The following XPO6 variants were observed in gnomAD, a reference collection of about 807,000 sequenced individuals.
The protein encoded by XPO6 is exportin 6, also known as exportin-6.
XPO6 carries 3 observed loss-of-function variants against 130.0 expected under a neutral mutation model. That is an observed-to-expected ratio of 0.02 (90% CI 0.01 to 0.06). The LOEUF is 0.06. Among genes scored for constraint, XPO6 ranks in the 10% least tolerant of loss-of-function variants. The pLI is 1.00. For missense variants in XPO6, 970 were observed against 1,393.0 expected (o/e 0.70, Z 4.83); for synonymous variants, 524 against 548.9 (o/e 0.95, Z 0.63).
intron 12 of XPO6, among the ~76,000 whole-genome samples, chr16:28,130,178 C>T (rs764683068): frequency 6.6e-6 from 1 of 152,248 alleles, no homozygotes; most frequent in African/African-American, 2.4e-5. Context: ...AAGTGGGAGC[C>T]TTCCAGGCTG....
intron 2 of XPO6, among the ~76,000 whole-genome samples, chr16:28,178,336 A>AGGTG (rs2043563736): frequency 1.3e-5 from 2 of 152,132 alleles, no homozygotes; most frequent in African/African-American, 4.8e-5. Flanking sequence ...TGAGAAGCTG[A>AGGTG]GGCAGGAGGA....
chr16:28,106,063 C>G lies in XPO6; in HGVS notation c.2764G>C (p.Val922Leu). The G allele has an allele frequency of 6.2e-7, 1 of 1,614,150 alleles. No individual in the cohort carries two copies. Among genetic ancestry groups the G allele is most frequent in the Non-Finnish European group, 8.5e-7 (1 of 1,179,978 alleles). The change falls in exon 20 of 24, where the codon GTG (valine) becomes CTG (leucine). Residue 922 changes from valine (V) to leucine (L), a missense_variant. By Grantham distance (32) the Val-to-Leu change is conservative. Transcript: ENST00000304658. This position sits in a 1 kb window ranked among gnomAD's most constrained non-coding sequence, Gnocchi z 4.2. Reference protein sequence around the residue: ...PSIIALCMEQVYPIIAERPSP... With the variant: ...PSIIALCMEQLYPIIAERPSP... Reference sequence around the variant, plus strand: ...CCTACCTCGGCAATGATGGGATACACTTGCTCCATGCACAGGGCGATGATG... The same window carrying G: ...CCTACCTCGGCAATGATGGGATACAGTTGCTCCATGCACAGGGCGATGATG...
intron 18 of XPO6, 136 bp downstream of exon 18, chr16:28,107,386 C>T: frequency 9.4e-7 from 1 of 1,060,712 alleles, no homozygotes; most frequent in East Asian, 2.4e-5. Context: ...TGCCCTTTCC[C>T]CTCAGTACCG....
chr16:28,103,032 A>C (rs2086685716), intron 21 of XPO6, among the ~76,000 whole-genome samples: 1 of 152,166 alleles, frequency 6.6e-6, no homozygotes, highest in Non-Finnish European at 1.5e-5. Context: ...GGTTCATGGA[A>C]GTATAACAGA....
chr16:28,176,752 A>AC (rs2043541245), intron 3 of XPO6, among the ~76,000 whole-genome samples: 1 of 146,106 alleles, frequency 6.8e-6, no homozygotes, highest in East Asian at 2.0e-4. Flanking sequence ...TCATTGATCC[A>AC]CCCGCCTCGG....
At chr16:28,163,114 C>T (rs1339937520) in intron 6 of XPO6, among the ~76,000 whole-genome samples, 1 of 152,144 alleles carries the variant, frequency 6.6e-6, no homozygotes, top group African/African-American at 2.4e-5. Context: ...GCAGGACAAA[C>T]CACAGCTCTA....
chr16:28,190,587 C>G (rs2043770407), intron 1 of XPO6, among the ~76,000 whole-genome samples: 1 of 152,140 alleles, frequency 6.6e-6, no homozygotes, highest in Admixed American at 6.5e-5. Flanking sequence ...AATGCTACAC[C>G]TGACCACAGA....
At chr16:28,195,556 C>T (rs1193207287) in intron 1 of XPO6, among the ~76,000 whole-genome samples, 2 of 152,160 alleles carry the variant, frequency 1.3e-5, no homozygotes, top group Admixed American at 1.3e-4. Context: ...AGTTAGAGAC[C>T]AGCCTGGTCA....
chr16:28,157,206 C>T (rs2043197541), intron 6 of XPO6, among the ~76,000 whole-genome samples: 4 of 152,174 alleles, frequency 2.6e-5, no homozygotes, highest in Admixed American at 2.6e-4. Flanking sequence ...CCTGTAATCA[C>T]AGCACTTTGG....
intron 1 of XPO6, among the ~76,000 whole-genome samples, chr16:28,184,489 A>G (rs1031243457): frequency 2.0e-5 from 3 of 152,158 alleles, no homozygotes; most frequent in African/African-American, 7.2e-5. Flanking sequence ...TGAAATGTTC[A>G]TCAGATGGCA....
At chr16:28,152,341 T>A (rs2043109905) in intron 8 of XPO6, among the ~76,000 whole-genome samples, 1 of 152,238 alleles carries the variant, frequency 6.6e-6, no homozygotes, top group Admixed American at 6.5e-5. Context: ...AGACTTTTCC[T>A]TTCTTTTGCT....
chr16:28,153,043 T>C, intron 7 of XPO6: 2 of 1,104,308 alleles, frequency 1.8e-6, no homozygotes, highest in South Asian at 5.2e-5. Context: ...CGCTCACATT[T>C]TCTAAGTCAT....
At chr16:28,199,889 G>A (rs1157005771) in intron 1 of XPO6, among the ~76,000 whole-genome samples, 1 of 150,648 alleles carries the variant, frequency 6.6e-6, no homozygotes. Context: ...GGGCACGGTG[G>A]CTCACTCCTG....
intron 4 of XPO6, 103 bp from the exon 5 acceptor site, chr16:28,170,012 A>C: frequency 7.0e-7 from 1 of 1,434,368 alleles, no homozygotes; most frequent in Non-Finnish European, 9.5e-7. Flanking sequence ...GTTTAATCTT[A>C]CATGAACATA....
chr16:28,164,002 C>A (rs1399455885), intron 6 of XPO6, among the ~76,000 whole-genome samples: 1 of 152,178 alleles, frequency 6.6e-6, no homozygotes, highest in Non-Finnish European at 1.5e-5. Context: ...GAGAAATAAA[C>A]CACACACACT....
At chr16:28,113,256 T>C (rs1468255656) in intron 15 of XPO6, among the ~76,000 whole-genome samples, 1 of 152,164 alleles carries the variant, frequency 6.6e-6, no homozygotes, top group Non-Finnish European at 1.5e-5. Context: ...GCAGCCATTA[T>C]CACCTCCTCC....
At chr16:28,145,819 G>T (rs956037262) in intron 9 of XPO6, among the ~76,000 whole-genome samples, 2 of 152,056 alleles carry the variant, frequency 1.3e-5, no homozygotes, top group African/African-American at 4.8e-5. Flanking sequence ...ACTTCAGTTT[G>T]TATCTCTAAA....
At chr16:28,128,207 T>A (rs1276897710) in intron 12 of XPO6, among the ~76,000 whole-genome samples, 1 of 152,202 alleles carries the variant, frequency 6.6e-6, no homozygotes, top group Non-Finnish European at 1.5e-5. Flanking sequence ...CAGGGTTGAC[T>A]TCTAAAACCT....
Position 28,193,374 on chromosome 16 carries a change from G to A in XPO6, c.4-12343C>T, listed in dbSNP as rs556365330. Among the ~76,000 whole-genome samples, 24 of 152,186 alleles carry A rather than the reference G, an allele frequency of 1.6e-4. No individual in the cohort carries two copies. The East Asian group carries it at 4.6e-3, about 29-fold the overall frequency. On this transcript the variant is annotated intron_variant, in intron 1 of 23. Transcript: ENST00000304658. ...GGAAGTGACTCTTCATGGCCAATAG[G>A]TTCTCAATGCTCCTCCCATCCCCGC...
Sources: gnomAD v4.1 joint callset for allele counts (sites outside exome capture counted in the v4.1 genomes callset) on GRCh38, gnomAD v4.1.1 for gene constraint, Gnocchi (gnomAD v3.1) non-coding constraint, MANE v1.5 for transcripts, NCBI Gene and HGNC (gene_info 2026-07-23, HGNC 2026-07-21) for gene names.